TTC39B: variants seen among roughly 807,000 people sequenced by gnomAD.
TTC39B encodes the protein tetratricopeptide repeat protein 39B.
Under a neutral mutation model 96.6 loss-of-function variants are expected in TTC39B, and 92 were observed. That is an observed-to-expected ratio of 0.95 (90% CI 0.80 to 1.13). The LOEUF (loss-of-function observed/expected upper bound fraction) is 1.13, where lower values mean the gene tolerates loss of function less well. TTC39B is among the 50% of genes most tolerant of loss of function. The pLI is 0.00. For missense variants in TTC39B, 955 were observed against 809.3 expected (o/e 1.18, Z -2.18); for synonymous variants, 367 against 299.4 (o/e 1.23, Z -2.33).
At chr9:15,277,494 A>T (rs114624691) in intron 1 of TTC39B, among the ~76,000 whole-genome samples, 96 of 152,316 alleles carry the variant, frequency 6.3e-4, no homozygotes, top group African/African-American at 2.3e-3. Context: ...CACAAAACCC[A>T]TAAGTTATGG....
chr9:15,201,919 G>C (rs1475801182), intron 7 of TTC39B, among the ~76,000 whole-genome samples: 1 of 152,176 alleles, frequency 6.6e-6, no homozygotes, highest in Non-Finnish European at 1.5e-5. Flanking sequence ...ATTTTTAAGA[G>C]GTTACTCAAC....
chr9:15,208,751 A>G (rs999804863), intron 6 of TTC39B, among the ~76,000 whole-genome samples: 1 of 152,224 alleles, frequency 6.6e-6, no homozygotes, highest in East Asian at 1.9e-4. Flanking sequence ...TGGGGTCAAC[A>G]TCATGCCCCT....
chr9:15,238,679 T>C (rs1161915624), intron 2 of TTC39B, among the ~76,000 whole-genome samples: 2 of 152,108 alleles, frequency 1.3e-5, no homozygotes, highest in Non-Finnish European at 2.9e-5. Flanking sequence ...ACTGGAAGAA[T>C]CAGTATCATT....
chr9:15,250,103 G>A (rs1416370284), intron 2 of TTC39B: 14 of 1,262,922 alleles, frequency 1.1e-5, no homozygotes, highest in Non-Finnish European at 1.4e-5. Flanking sequence ...TCAATTCTCA[G>A]GCACAAGCAA....
rs115677630 is a variant in TTC39B, at chr9:15,247,358, T to C, written c.275+20556A>G. Among the ~76,000 whole-genome samples the C allele has an allele frequency of 2.6e-3, 393 of 152,284 alleles. 1 individual carries two copies. Among genetic ancestry groups the C allele is most frequent in the African/African-American group, 8.9e-3 (368 of 41,562 alleles). ...CTAAGGAAGAACATTCTAACAGTCA[T>C]TCAGAAAGGAAATGGACAAATGGCC... On this transcript the variant is annotated intron_variant, in intron 2 of 19. Transcript: ENST00000512701.
At chr9:15,258,100 G>C (rs917625182) in intron 2 of TTC39B, among the ~76,000 whole-genome samples, 5 of 152,116 alleles carry the variant, frequency 3.3e-5, no homozygotes, top group African/African-American at 1.2e-4. Flanking sequence ...GCTGTATGGA[G>C]AGTAAGTGGG....
chr9:15,248,502 A>T (rs1468369315), intron 2 of TTC39B, among the ~76,000 whole-genome samples: 1 of 152,240 alleles, frequency 6.6e-6, no homozygotes, highest in Admixed American at 6.5e-5. Context: ...TGCCCTCTTC[A>T]TCTGCTAAAA....
At chr9:15,252,659 A>G (rs916567398) in intron 2 of TTC39B, among the ~76,000 whole-genome samples, 5 of 152,154 alleles carry the variant, frequency 3.3e-5, no homozygotes, top group African/African-American at 1.2e-4. Context: ...AAAAAAAAAA[A>G]GGATATTAGG....
intron 16 of TTC39B, among the ~76,000 whole-genome samples, chr9:15,184,682 T>C (rs781187991): frequency 5.6e-4 from 85 of 152,344 alleles, no homozygotes; most frequent in Non-Finnish European, 9.6e-4. Context: ...CAGCAGCCAG[T>C]TATGGCTCTT....
At chr9:15,203,395 C>T (rs560487275) in intron 7 of TTC39B, among the ~76,000 whole-genome samples, 5 of 151,640 alleles carry the variant, frequency 3.3e-5, no homozygotes, top group Non-Finnish European at 7.4e-5. Flanking sequence ...GGATTACAGG[C>T]GCCCGCCACC....
intron 8 of TTC39B, among the ~76,000 whole-genome samples, chr9:15,195,651 C>G (rs1296975597): frequency 1.1e-5 from 1 of 88,168 alleles, no homozygotes; most frequent in Non-Finnish European, 2.1e-5. Flanking sequence ...GCCTGGGTGA[C>G]AAAGGGAGAC....
At chr9:15,258,853 T>C (rs1822847950) in intron 2 of TTC39B, among the ~76,000 whole-genome samples, 1 of 152,142 alleles carries the variant, frequency 6.6e-6, no homozygotes, top group Non-Finnish European at 1.5e-5. Context: ...TTCAGAGGCT[T>C]TCCTTCAAGT....
At chr9:15,292,672 T>G (rs1824232592) in intron 1 of TTC39B, among the ~76,000 whole-genome samples, 1 of 152,206 alleles carries the variant, frequency 6.6e-6, no homozygotes, top group East Asian at 1.9e-4. Context: ...ATCCTTACCC[T>G]ATGTAGGCCC....
rs879448116 is a variant in TTC39B, at chr9:15,186,317, TCAGAGGA to T, written c.1487+620_1487+626del. 9.3e-3 allele frequency among the ~76,000 whole-genome samples: 1,419 copies of T among 152,174 alleles called. 23 individuals carry two copies. Among genetic ancestry groups the T allele is most frequent in the African/African-American group, 0.032 (1,341 of 41,518 alleles). ...AGGCAGTGGAAATGTGAGGTGGGGG[TCAGAGGA>T]AGGGGTCAGAAGCATGTCTCAGACA... On this transcript the variant is annotated intron_variant, in intron 15 of 19. Coordinates refer to ENST00000512701, the Ensembl canonical transcript of TTC39B.
chr9:15,166,982 T>TTTTTTTTTATATA (rs1387664027), exon 20 of TTC39B: 2 of 20,276 alleles, frequency 9.9e-5, no homozygotes, highest in Non-Finnish European at 1.8e-4. Context: ...AACCTTTATT[T>TTTTTTTTTATATA]TATATATATA....
chr9:15,213,600 G>A (rs578162574), intron 4 of TTC39B, among the ~76,000 whole-genome samples: 3 of 152,300 alleles, frequency 2.0e-5, no homozygotes, highest in South Asian at 2.1e-4. Context: ...CACAATGTAC[G>A]ATTATTCTTG....
intron 2 of TTC39B, chr9:15,250,019 A>T (rs1378103045): frequency 7.8e-7 from 1 of 1,288,268 alleles, no homozygotes; most frequent in Admixed American, 2.3e-5. Context: ...AACTAAAAGA[A>T]GAGACAAACC....
intron 1 of TTC39B, among the ~76,000 whole-genome samples, chr9:15,296,906 G>A (rs1563796873): frequency 6.6e-6 from 1 of 152,182 alleles, no homozygotes; most frequent in Non-Finnish European, 1.5e-5. Context: ...AGGATCCCTT[G>A]AGCCCAGGGG....
chr9:15,267,855 T>G (rs1823192970), intron 2 of TTC39B, 59 bp downstream of exon 2: 1 of 1,460,620 alleles, frequency 6.8e-7, no homozygotes, highest in South Asian at 1.2e-5. Context: ...ATTTACTTTT[T>G]ATGTAAGACA....
Sources: gnomAD v4.1 joint callset for allele counts (sites outside exome capture counted in the v4.1 genomes callset) on GRCh38, gnomAD v4.1.1 for gene constraint, MANE v1.5 for transcripts, NCBI Gene and HGNC (gene_info 2026-07-23, HGNC 2026-07-21) for gene names.